Variants in GRAMD4 observed in about 807,000 individuals in gnomAD.
GRAMD4 encodes GRAM domain containing 4.
A neutral mutation model predicts 83.9 loss-of-function variants in GRAMD4; 25 were observed. The observed-to-expected ratio is 0.30, with a 90% CI of 0.22 to 0.42. GRAMD4 has a LOEUF of 0.42. GRAMD4 is among the 10% of genes least tolerant of loss of function. The pLI, the probability that GRAMD4 is intolerant of heterozygous loss-of-function variation, is 1.00. For missense variants in GRAMD4, 593 were observed against 788.7 expected, an observed-to-expected ratio of 0.75 and a Z score of 2.97; for synonymous variants, 336 against 320.9, an observed-to-expected ratio of 1.05 and a Z score of -0.50.
intron 4 of GRAMD4, 29 bp downstream of exon 4, chr22:46,658,336 T>C: frequency 6.4e-7 from 1 of 1,558,844 alleles, no homozygotes; most frequent in Non-Finnish European, 8.7e-7. Flanking sequence ...GGCCCTGGCC[T>C]GTGTGCGGCT....
chr22:46,634,801 G>A (rs1046839990), intron 2 of GRAMD4, among the ~76,000 whole-genome samples: 2 of 152,090 alleles, frequency 1.3e-5, no homozygotes, highest in Admixed American at 6.6e-5. Context: ...AAATTAGCCA[G>A]GTATGGTGGC....
At chr22:46,617,338 G>T (rs1157616123), upstream of GRAMD4, among the ~76,000 whole-genome samples, 4 of 150,962 alleles carry the variant, frequency 2.6e-5, no homozygotes, top group Non-Finnish European at 4.4e-5. Flanking sequence ...AAGCATGTAG[G>T]TTCCCCCGTG....
intron 8 of GRAMD4, among the ~76,000 whole-genome samples, chr22:46,665,052 G>T (rs151008498): frequency 6.6e-6 from 1 of 152,244 alleles, no homozygotes; most frequent in Non-Finnish European, 1.5e-5. Flanking sequence ...AATGCTTTGC[G>T]ACAGGAGGCC....
chr22:46,644,740 G>A (rs911478675), intron 3 of GRAMD4, among the ~76,000 whole-genome samples: 1 of 70,426 alleles, frequency 1.4e-5, no homozygotes, highest in African/African-American at 5.7e-5. Flanking sequence ...TTTTTACTTT[G>A]TTTTGTTTTT....
At chr22:46,584,716 C>G (rs1464504250) in intron 1 of GRAMD4, among the ~76,000 whole-genome samples, 2 of 152,196 alleles carry the variant, frequency 1.3e-5, no homozygotes, top group Non-Finnish European at 2.9e-5. Context: ...CAACATGATT[C>G]CACGACTTAG....
In GRAMD4 at chr22:46,673,015, C is replaced by CTGCGGGGA. The variant is rs748169608; in HGVS notation, c.1239+21_1239+28dup. The CTGCGGGGA allele has an allele frequency of 1.8e-4, 286 of 1,555,100 alleles. 2 individuals carry two copies. The African/African-American group carries it at 2.9e-3, about 16-fold the overall frequency. On this transcript the variant is annotated intron_variant, in intron 14 of 18. Coordinates refer to ENST00000406902, the MANE Select transcript of GRAMD4 (RefSeq NM_015124.5). ...CACGCAGGGTGAGCCCGGCCCCCAGCTGCGGGGATGGGGGGATGGGGGGCC... is the reference window on the plus strand; with the variant it reads ...CACGCAGGGTGAGCCCGGCCCCCAGCTGCGGGGATGCGGGGATGGGGGGATGGGGGGCC...
chr22:46,664,423 G>A (rs752528834), intron 8 of GRAMD4, among the ~76,000 whole-genome samples: 11 of 152,212 alleles, frequency 7.2e-5, no homozygotes, highest in Non-Finnish European at 1.2e-4. Context: ...GGCACTCACC[G>A]TGCAGTGCGG....
chr22:46,680,552 GTCCGTCCGTCCGTCCA>G (rs1454983729), downstream of GRAMD4, among the ~76,000 whole-genome samples: 31 of 62,540 alleles, frequency 5.0e-4, 1 homozygote, highest in African/African-American at 1.8e-3. Context: ...CTGTCCGTCC[GTCCGTCCGTCCGTCCA>G]TCCATCCATC....
At chr22:46,610,588 G>T (rs577414922) in intron 1 of GRAMD4, among the ~76,000 whole-genome samples, 10 of 152,308 alleles carry the variant, frequency 6.6e-5, no homozygotes, top group Non-Finnish European at 1.0e-4. Context: ...TCGCGATATT[G>T]CAGTCTTTGA....
In GRAMD4 at chr22:46,678,601, G is replaced by T. The variant is rs2082633510; in HGVS notation, c.*1350G>T. On this transcript the variant is annotated 3_prime_UTR_variant, in exon 19 of 19. Transcript: ENST00000406902. ...GCGGATCCCGCAGCTCCCTCAGCTT[G>T]TCCTGAGTCCCTTGGGTGTCGTTGA... The T allele has an allele frequency of 1.0e-6, 1 of 985,380 alleles. No individual in the cohort carries two copies. The highest frequency in any genetic ancestry group is 6.1e-5 in the Admixed American group (1 of 16,278). The allele number at this position is 985,380 out of a possible 1,614,324, so 61.0% of individuals were successfully genotyped here.
chr22:46,592,750 G>A (rs2337059), intron 1 of GRAMD4, among the ~76,000 whole-genome samples: 139,978 of 152,168 alleles, frequency 0.92, 64,500 homozygotes, highest in East Asian at 1. Flanking sequence ...CTGACACCGC[G>A]CCCGGCACCT....
Position 46,663,873 on chromosome 22 carries a change from A to C in GRAMD4, c.625+10A>C. 6.2e-7 allele frequency: 1 copy of C among 1,613,190 alleles called. No homozygotes were observed. ...AATATGAGACGGCTCAGTGAGTACC[A>C]GCGGCTCTGCGTGGCGCCCACGATG... is the stretch of plus-strand genomic sequence containing the variant. On this transcript the variant is annotated intron_variant, in intron 7 of 18. Coordinates refer to ENST00000406902, the MANE Select transcript of GRAMD4 (RefSeq NM_015124.5).
intron 1 of GRAMD4, among the ~76,000 whole-genome samples, chr22:46,597,868 A>G (rs1357401593): frequency 2.6e-5 from 4 of 152,144 alleles, no homozygotes; most frequent in African/African-American, 9.7e-5. Flanking sequence ...TTTAGGTGAC[A>G]CGTTGGTTTT....
Position 46,579,013 on chromosome 22 carries a change from C to T in GRAMD4, c.-50+1723C>T, listed in dbSNP as rs543330251. 1.4e-4 allele frequency among the ~76,000 whole-genome samples: 22 copies of T among 152,360 alleles called. No individual in the cohort carries two copies. In the East Asian group the frequency reaches 4.2e-3, roughly 29 times the overall value. On this transcript the variant is annotated intron_variant, in intron 1 of 1. Transcript: ENST00000431155. ...TCTGCTGCTCTTTCCTCTCAGCTGC[C>T]CCTATGGCTGATGCGTGGAGTGCGG...
chr22:46,668,309 G>T (rs992174600), intron 11 of GRAMD4, 142 bp downstream of exon 11: 5 of 622,138 alleles, frequency 8.0e-6, no homozygotes, highest in Non-Finnish European at 1.1e-5. Flanking sequence ...TGCAGGCCCG[G>T]TTTGTCCGCG....
chr22:46,640,527 G>A (rs1056287183), intron 3 of GRAMD4, among the ~76,000 whole-genome samples: 1 of 152,188 alleles, frequency 6.6e-6, no homozygotes, highest in Non-Finnish European at 1.5e-5. Flanking sequence ...TGGCGTCCCT[G>A]GACCAGCACT....
At position 46,672,094 on chromosome 22, in the gene GRAMD4, G is replaced by A. The variant is rs187789244; in HGVS notation, c.1085-749G>A. Among the ~76,000 whole-genome samples, 1 of 152,354 alleles carries A rather than the reference G, an allele frequency of 6.6e-6. No homozygotes were observed. The highest frequency in any genetic ancestry group is 1.9e-4 in the East Asian group (1 of 5,186). ...CTGGGAGGGGCACCCGGAGAGACCG[G>A]AACTCCTGACAGCTTTTGCTGCCCA... On this transcript the variant is annotated intron_variant, in intron 13 of 18. Transcript: ENST00000406902. The surrounding 1 kb of genome is among the most constrained non-coding windows in gnomAD (Gnocchi z 4.7).
intron 1 of GRAMD4, among the ~76,000 whole-genome samples, chr22:46,614,215 C>T (rs1241954578): frequency 2.6e-5 from 4 of 152,232 alleles, no homozygotes; most frequent in Admixed American, 6.5e-5. Flanking sequence ...GCCTGCCGCG[C>T]GTGGCAGAAA....
chr22:46,576,934 T>G (rs533672772), upstream of GRAMD4, among the ~76,000 whole-genome samples: 1 of 144,360 alleles, frequency 6.9e-6, no homozygotes, highest in Non-Finnish European at 1.5e-5. Flanking sequence ...GTGACCGAGC[T>G]GGCGCACGCG....
Sources: gnomAD v4.1 joint callset for allele counts (sites outside exome capture counted in the v4.1 genomes callset) on GRCh38, gnomAD v4.1.1 for gene constraint, Gnocchi (gnomAD v3.1) non-coding constraint, MANE v1.5 for transcripts, NCBI Gene and HGNC (gene_info 2026-07-23, HGNC 2026-07-21) for gene names.